Variants in KDM4C observed in about 807,000 individuals in gnomAD.
KDM4C encodes lysine-specific demethylase 4C.
KDM4C carries 81 observed loss-of-function variants against 129.3 expected under a neutral mutation model. The observed-to-expected ratio is 0.63, with a 90% CI of 0.52 to 0.75. The LOEUF (loss-of-function observed/expected upper bound fraction) is 0.75. KDM4C is among the 30% of genes least tolerant of loss of function. The pLI is 0.00. For synonymous variants in KDM4C, 573 were observed against 456.1 expected (o/e 1.26, Z -3.26); for missense variants, 1,457 against 1,304.0 (o/e 1.12, Z -1.81).
chr9:6,814,548 GA>G, intron 3 of KDM4C, 82 bp from the exon 4 acceptor site: 1 of 810,354 alleles, frequency 1.2e-6, no homozygotes, highest in South Asian at 2.1e-5. Context: ...TTTTGTTTTA[GA>G]AAGTGATTTA....
At chr9:6,805,464 C>CTTTTT in intron 2 of KDM4C, 135 bp from the exon 3 acceptor site, 1 of 458,750 alleles carries the variant, frequency 2.2e-6, no homozygotes, top group Non-Finnish European at 3.6e-6. Flanking sequence ...AAATATTCAT[C>CTTTTT]TTTTTTTTTT....
At chr9:6,995,208 C>G (rs1460459330) in intron 12 of KDM4C, among the ~76,000 whole-genome samples, 1 of 150,750 alleles carries the variant, frequency 6.6e-6, no homozygotes, top group Non-Finnish European at 1.5e-5. Flanking sequence ...AAGATCAAGA[C>G]TAAGTCAGTT....
intron 1 of KDM4C, among the ~76,000 whole-genome samples, chr9:6,771,443 C>G (rs1041121657): frequency 1.3e-5 from 2 of 152,064 alleles, no homozygotes; most frequent in East Asian, 1.9e-4. Flanking sequence ...TCCCGACCAG[C>G]TTGGATTACA....
At chr9:7,151,030 AC>A (rs1842680156) in intron 19 of KDM4C, among the ~76,000 whole-genome samples, 1 of 152,154 alleles carries the variant, frequency 6.6e-6, no homozygotes, top group Admixed American at 6.5e-5. Context: ...AAAGCAGCGG[AC>A]CAGGCACTGT....
At chr9:7,069,199 C>T (rs550754341) in intron 17 of KDM4C, among the ~76,000 whole-genome samples, 176 of 152,272 alleles carry the variant, frequency 1.2e-3, no homozygotes, top group Non-Finnish European at 2.0e-3. Flanking sequence ...ATGTATTACA[C>T]TACTAATACC....
At chr9:7,078,232 G>A (rs1834140700) in intron 17 of KDM4C, among the ~76,000 whole-genome samples, 1 of 152,034 alleles carries the variant, frequency 6.6e-6, no homozygotes, top group Admixed American at 6.6e-5. Flanking sequence ...TTTTCTGTAG[G>A]AACTTTTTTA....
At chr9:6,807,012 C>A (rs1422670722) in intron 3 of KDM4C, among the ~76,000 whole-genome samples, 2 of 152,210 alleles carry the variant, frequency 1.3e-5, no homozygotes, top group East Asian at 1.9e-4. Context: ...GATTCTCCTG[C>A]CTCAGTCTGC....
chr9:6,996,935 A>T (rs1466104565), intron 12 of KDM4C, among the ~76,000 whole-genome samples: 3 of 152,236 alleles, frequency 2.0e-5, no homozygotes, highest in African/African-American at 7.2e-5. Context: ...TAGGTATAAA[A>T]CAACTAGAAA....
At chr9:6,870,198 G>A (rs1182121001) in intron 5 of KDM4C, among the ~76,000 whole-genome samples, 1 of 152,120 alleles carries the variant, frequency 6.6e-6, no homozygotes, top group African/African-American at 2.4e-5. Context: ...TCAGGTAGTG[G>A]TTTGCTGGTC....
At chr9:6,801,397 C>G (rs999138004) in intron 2 of KDM4C, among the ~76,000 whole-genome samples, 2 of 151,452 alleles carry the variant, frequency 1.3e-5, no homozygotes, top group African/African-American at 2.4e-5. Context: ...CCATGCCCGG[C>G]TAATTTTCTG....
intron 17 of KDM4C, among the ~76,000 whole-genome samples, chr9:7,075,861 G>A (rs1833850129): frequency 6.6e-6 from 1 of 151,754 alleles, no homozygotes; most frequent in African/African-American, 2.4e-5. Flanking sequence ...CACCCAGGCT[G>A]GAGTGCAGTG....
rs559566319 is a variant in KDM4C at position 7,098,547 on chromosome 9, G to A, written c.2425-5138G>A. On this transcript the variant is annotated intron_variant, in intron 17 of 21. Transcript: ENST00000381309. ...CCAAGTAAACAGGATTTGTTTTATC[G>A]TATCACTCATATGTGGGTGAGGCTG... Among the ~76,000 whole-genome samples the A allele has an allele frequency of 9.2e-5, 14 of 152,250 alleles. No homozygotes were observed. In the East Asian group the frequency reaches 9.7e-4, roughly 11 times the overall value.
At chr9:6,867,518 A>G (rs888730124) in intron 5 of KDM4C, among the ~76,000 whole-genome samples, 5 of 152,216 alleles carry the variant, frequency 3.3e-5, no homozygotes, top group Admixed American at 2.6e-4. Flanking sequence ...AATTTTTGAT[A>G]TGGGCAGACA....
chr9:6,747,019 A>G (rs1239857117), intron 1 of KDM4C, among the ~76,000 whole-genome samples: 1 of 150,024 alleles, frequency 6.7e-6, no homozygotes, highest in Non-Finnish European at 1.5e-5. Flanking sequence ...AAAAAAAAAA[A>G]AAAAAAAAAA....
chr9:6,862,400 A>G (rs149844091), intron 5 of KDM4C, among the ~76,000 whole-genome samples: 2 of 152,044 alleles, frequency 1.3e-5, no homozygotes, highest in South Asian at 4.1e-4. Flanking sequence ...TTCAGTTTGC[A>G]TGTTACTTGT....
In KDM4C at chr9:6,749,954, C is replaced by G. The variant is rs758732364; in HGVS notation, c.49+28957C>G. ...TGAGCCAAGATTGTGCCATTGTACT[C>G]CAGCCTGGGCAACAACAGTGAAACT... On this transcript the variant is annotated intron_variant, in intron 1 of 17. Transcript: ENST00000536108. 5.1e-5 allele frequency among the ~76,000 whole-genome samples: 7 copies of G among 136,160 alleles called. No homozygotes were observed. The South Asian group carries it at 1.6e-3, about 31-fold the overall frequency. 89.3% of individuals were successfully genotyped at this position (136,160 alleles called of 152,430 possible).
chr9:6,914,755 C>T (rs1384108458), intron 8 of KDM4C, among the ~76,000 whole-genome samples: 1 of 152,240 alleles, frequency 6.6e-6, no homozygotes, highest in Non-Finnish European at 1.5e-5. Context: ...CTTCCCCATT[C>T]CTTCTATCTC....
intron 14 of KDM4C, among the ~76,000 whole-genome samples, chr9:7,015,142 ATTTTG>A (rs1490227915): frequency 1.3e-5 from 2 of 152,084 alleles, no homozygotes; most frequent in Non-Finnish European, 2.9e-5. Flanking sequence ...CATTTCTGTT[ATTTTG>A]TTTTCATCTC....
intron 19 of KDM4C, among the ~76,000 whole-genome samples, chr9:7,158,384 T>C (rs1247926549): frequency 6.6e-6 from 1 of 151,876 alleles, no homozygotes. Context: ...TCTTAGTTAT[T>C]TCTTGTCTTC....
Sources: gnomAD v4.1 joint callset for allele counts (sites outside exome capture counted in the v4.1 genomes callset) on GRCh38, gnomAD v4.1.1 for gene constraint, MANE v1.5 for transcripts, NCBI Gene and HGNC (gene_info 2026-07-23, HGNC 2026-07-21) for gene names.